Variants in LPP observed in about 807,000 individuals in gnomAD.
LPP encodes LIM domain containing preferred translocation partner in lipoma, also known as lipoma-preferred partner.
In LPP, 38 loss-of-function variants were observed where a neutral mutation model predicts 60.4. The observed-to-expected ratio is 0.63, with a 90% CI of 0.49 to 0.83. The LOEUF (loss-of-function observed/expected upper bound fraction) is 0.83. LPP is among the 40% of genes least tolerant of loss of function. The probability of loss-of-function intolerance (pLI) is 0.00; values close to 1 mark genes in which losing one functional copy is unlikely to be tolerated. For synonymous variants in LPP, 328 were observed against 290.8 expected (o/e 1.13, Z -1.30); for missense variants, 902 against 783.6 (o/e 1.15, Z -1.80).
chr3:188,200,275 G>A (rs1263939629), intron 1 of LPP, among the ~76,000 whole-genome samples: 1 of 145,862 alleles, frequency 6.9e-6, no homozygotes, highest in African/African-American at 2.5e-5. Context: ...CTGAGACGGA[G>A]TTTCACTCTT....
In LPP at chr3:188,877,529, T is replaced by C. The variant is rs1769391805; in HGVS notation, c.*3050T>C. ...ATACTGACTCAACATGGAGTCTCAC[T>C]GGCCAAGAAAATTGCCTTTAAAACT... On this transcript the variant is annotated 3_prime_UTR_variant, in exon 12 of 12. Transcript: ENST00000617246. 5.3e-6 allele frequency: 1 copy of C among 187,148 alleles called. No individual in the cohort carries two copies. Among genetic ancestry groups the C allele is most frequent in the African/African-American group, 2.3e-5 (1 of 42,748 alleles). 11.6% of individuals were successfully genotyped at this position (187,148 alleles called of 1,614,324 possible). A position where few individuals can be genotyped will look rare whatever the true frequency, so the allele number is the denominator to read the frequency against.
At chr3:188,638,528 G>C (rs1205563126) in intron 7 of LPP, among the ~76,000 whole-genome samples, 1 of 146,892 alleles carries the variant, frequency 6.8e-6, no homozygotes, top group Admixed American at 6.7e-5. Context: ...AGTTAGGCAG[G>C]AGAAGGAAAT....
chr3:188,404,841 G>A (rs946562183), intron 3 of LPP, among the ~76,000 whole-genome samples: 3 of 152,116 alleles, frequency 2.0e-5, no homozygotes, highest in Admixed American at 6.5e-5. Flanking sequence ...GGTGCCTTCC[G>A]GGCGTCCCTG....
At chr3:188,371,710 A>G (rs1300295814) in intron 3 of LPP, among the ~76,000 whole-genome samples, 12 of 121,258 alleles carry the variant, frequency 9.9e-5, no homozygotes, top group Middle Eastern at 6.2e-3. Context: ...GCTGGAGTGC[A>G]GTGGCGCGAT....
At chr3:188,645,733 A>G (rs1359486684) in intron 7 of LPP, among the ~76,000 whole-genome samples, 2 of 152,100 alleles carry the variant, frequency 1.3e-5, no homozygotes, top group Non-Finnish European at 2.9e-5. Flanking sequence ...GTGCATTTAT[A>G]AGAAAATTTT....
chr3:188,201,831 C>A (rs749413758), intron 1 of LPP, among the ~76,000 whole-genome samples: 7 of 151,874 alleles, frequency 4.6e-5, no homozygotes, highest in Non-Finnish European at 8.8e-5. Context: ...ATGAAGACAC[C>A]ACAGATAAAA....
At chr3:188,185,271 G>T (rs368910695) in intron 1 of LPP, among the ~76,000 whole-genome samples, 5 of 151,856 alleles carry the variant, frequency 3.3e-5, no homozygotes, top group Admixed American at 6.6e-5. Flanking sequence ...GGGAGCGGGC[G>T]GGGTGGGGGG....
chr3:188,624,589 A>G (rs190785898), intron 7 of LPP, among the ~76,000 whole-genome samples: 91 of 152,348 alleles, frequency 6.0e-4, no homozygotes, highest in Non-Finnish European at 1.1e-3. Flanking sequence ...TGAAAAGCCC[A>G]GGACTGTTCA....
At chr3:188,541,529 A>G (rs1382672766) in intron 6 of LPP, among the ~76,000 whole-genome samples, 1 of 151,732 alleles carries the variant, frequency 6.6e-6, no homozygotes, top group East Asian at 1.9e-4. Flanking sequence ...TACATAGTAC[A>G]TTGACAGAAT....
intron 5 of LPP, among the ~76,000 whole-genome samples, chr3:188,524,434 A>C (rs934887062): frequency 1.3e-5 from 2 of 152,194 alleles, no homozygotes; most frequent in African/African-American, 4.8e-5. Flanking sequence ...AAAACTGCTA[A>C]ATAAGTGTGT....
At chr3:188,387,898 A>G (rs1042528331) in intron 3 of LPP, among the ~76,000 whole-genome samples, 2 of 143,972 alleles carry the variant, frequency 1.4e-5, no homozygotes, top group African/African-American at 5.1e-5. Flanking sequence ...ATTTCTATCT[A>G]TTGATGACTT....
In LPP at chr3:188,809,051, A is replaced by G. The variant is rs138973992; in HGVS notation, c.1410+48769A>G. Among the ~76,000 whole-genome samples, 295 of 152,306 alleles carry G rather than the reference A, an allele frequency of 1.9e-3. 1 individual carries two copies. The highest frequency in any genetic ancestry group is 6.7e-3 in the African/African-American group (280 of 41,568). ...GGCTGCATAGTATTCCATGGTGTAC[A>G]TGTACCACATTTTCTTTATCCAGTC... On this transcript the variant is annotated intron_variant, in intron 9 of 11. Transcript: ENST00000617246.
At chr3:188,397,475 C>T (rs756342091) in intron 3 of LPP, among the ~76,000 whole-genome samples, 5 of 152,174 alleles carry the variant, frequency 3.3e-5, no homozygotes. Context: ...TTGTTCCGTC[C>T]TTAACCTTCT....
Position 188,890,222 on chromosome 3 carries a change from T to C in LPP, c.*15743T>C, listed in dbSNP as rs77691226. 483 of 217,476 alleles carry C rather than the reference T, an allele frequency of 2.2e-3. 9 individuals carry two copies. The East Asian group carries it at 0.032, about 14-fold the overall frequency. The allele number at this position is 217,476 out of a possible 1,614,324, so 13.5% of individuals were successfully genotyped here. On this transcript the variant is annotated 3_prime_UTR_variant, in exon 12 of 12. Coordinates refer to ENST00000617246, the MANE Select transcript of LPP (RefSeq NM_001375462.1). ...CAATCATAGCCCCACCGTGATGAGC[T>C]GCTAGTCTGAATAACATTCCCTGAC...
At chr3:188,374,162 T>C (rs1407610857) in intron 3 of LPP, among the ~76,000 whole-genome samples, 1 of 152,072 alleles carries the variant, frequency 6.6e-6, no homozygotes, top group Non-Finnish European at 1.5e-5. Context: ...GCTTTGTTCT[T>C]TTGGCTTAGG....
At chr3:188,577,605 T>C (rs1834927236) in intron 6 of LPP, among the ~76,000 whole-genome samples, 1 of 151,620 alleles carries the variant, frequency 6.6e-6, no homozygotes, top group African/African-American at 2.4e-5. Context: ...TATATGTATG[T>C]ATATACATAT....
intron 2 of LPP, among the ~76,000 whole-genome samples, chr3:188,234,251 G>C (rs1320304015): frequency 6.6e-6 from 1 of 152,164 alleles, no homozygotes. Flanking sequence ...GCTCCTAATA[G>C]TGAGACCCGG....
intron 2 of LPP, among the ~76,000 whole-genome samples, chr3:188,316,509 C>T (rs1282271508): frequency 6.6e-6 from 1 of 152,052 alleles, no homozygotes; most frequent in East Asian, 1.9e-4. Context: ...AGCAGTGTTG[C>T]AATAGCAGAG....
At chr3:188,286,891 A>G (rs12638774) in intron 2 of LPP, among the ~76,000 whole-genome samples, 63,661 of 151,888 alleles carry the variant, frequency 0.42, 13,973 homozygotes, top group Middle Eastern at 0.58. Flanking sequence ...TTTTATTTTT[A>G]TTTACCTGTT....
Sources: allele counts gnomAD v4.1 joint callset (sites outside exome capture counted in the v4.1 genomes callset), GRCh38; gene constraint gnomAD v4.1.1; transcripts MANE v1.5; gene names NCBI Gene and HGNC (gene_info 2026-07-23, HGNC 2026-07-21).